Variants in IFI16 observed in about 807,000 individuals in gnomAD.
The protein encoded by IFI16 is interferon gamma inducible protein 16.
IFI16 carries 49 observed loss-of-function variants against 68.4 expected under a neutral mutation model. The observed-to-expected ratio is 0.72, with a 90% CI of 0.57 to 0.91. The LOEUF (loss-of-function observed/expected upper bound fraction) is 0.91, where lower values mean the gene tolerates loss of function less well. Among genes scored for constraint, IFI16 ranks in the 40% least tolerant of loss-of-function variants. The pLI, the probability that IFI16 is intolerant of heterozygous loss-of-function variation, is 0.00. For missense variants in IFI16, 878 were observed against 942.9 expected, an observed-to-expected ratio of 0.93 and a Z score of 0.90; for synonymous variants, 307 against 315.0, an observed-to-expected ratio of 0.97 and a Z score of 0.27.
chr1:159,024,942 A>G (rs1330259652), intron 6 of IFI16, among the ~76,000 whole-genome samples: 1 of 151,898 alleles, frequency 6.6e-6, no homozygotes, highest in Non-Finnish European at 1.5e-5. Context: ...AGCTGTGCGG[A>G]CGGCGGTCTC....
chr1:159,019,820 G>C (rs1312225862), intron 5 of IFI16, among the ~76,000 whole-genome samples: 1 of 152,160 alleles, frequency 6.6e-6, no homozygotes, highest in Admixed American at 6.5e-5. Context: ...TGAGTAATGA[G>C]CAAAAAGCTG....
chr1:159,018,501 T>C lies in IFI16; in HGVS notation c.822T>C (p.Asn274=). ...AATATGATAGTCTCCTAGAGGTCAA[T>C]GAAGAATCTACTGTATCTGAAGCTG... ...YLEYDSLLEV[N]EESTVSEAGP... Residue 274 remains asparagine (N), a synonymous_variant, in exon 5 of 12, where the codon AAT becomes AAC. Coordinates refer to ENST00000295809, the MANE Select transcript of IFI16 (RefSeq NM_001376587.1). 6.2e-7 allele frequency: 1 copy of C among 1,614,112 alleles called. No homozygotes were observed. The highest frequency in any genetic ancestry group is 8.5e-7 in the Non-Finnish European group (1 of 1,179,940).
chr1:159,040,841 A>G (rs1224688124), intron 7 of IFI16, among the ~76,000 whole-genome samples: 3 of 152,246 alleles, frequency 2.0e-5, no homozygotes, highest in Non-Finnish European at 4.4e-5. Context: ...GTCAGTCTCA[A>G]TTCACATATG....
At chr1:159,040,419 G>A (rs1439336344) in intron 7 of IFI16, among the ~76,000 whole-genome samples, 2 of 152,202 alleles carry the variant, frequency 1.3e-5, no homozygotes, top group Non-Finnish European at 2.9e-5. Context: ...AGTTCAGAGA[G>A]AAGCATGTTG....
At chr1:159,048,552 C>G (rs1422695836) in intron 8 of IFI16, among the ~76,000 whole-genome samples, 6 of 151,364 alleles carry the variant, frequency 4.0e-5, no homozygotes, top group East Asian at 3.9e-4. Context: ...TTTCCATAGT[C>G]CAGGTGCTCA....
chr1:159,015,891 A>G lies in IFI16; in HGVS notation c.285A>G (p.Ser95=), dbSNP rs998837305. The G allele has an allele frequency of 2.5e-6, 4 of 1,613,412 alleles. No individual in the cohort carries two copies. The African/African-American group carries it at 5.3e-5, about 22-fold the overall frequency. ...TTCCAGTAAAAGGACCAGCCCTATC[A>G]AGAAAGAGGAAGAAGGAAGTGGATG... ...EKLKVKGPAL[S]RKRKKEVDAT... The change falls in exon 3 of 12, where the codon TCA becomes TCG. Residue 95 remains serine (S), a synonymous_variant. Coordinates refer to ENST00000295809, the MANE Select transcript of IFI16 (RefSeq NM_001376587.1).
upstream of IFI16, among the ~76,000 whole-genome samples, chr1:159,008,460 G>A (rs539694970): frequency 6.6e-6 from 1 of 152,292 alleles, no homozygotes; most frequent in African/African-American, 2.4e-5. Context: ...ATTGTCCTGA[G>A]TTGCCCTTAT....
chr1:159,014,877 T>C lies in IFI16; in HGVS notation c.197T>C (p.Ile66Thr). ...GGTGATGCTGGTTTGGGCAAACTAA[T>C]AAAAATTTTCGAAGATATACCAACG... ...FRGDAGLGKL[I>T]KIFEDIPTLE... The change falls in exon 2 of 12, where the codon ATA becomes ACA. Residue 66 changes from isoleucine to threonine, a missense_variant. Physicochemically the swap from Ile to Thr is moderately conservative, Grantham distance 89. Around this residue, in one of 4 missense-constraint regions of IFI16, gnomAD observed 65 missense variants for 96.9 expected, o/e 0.67. Coordinates refer to ENST00000295809, the MANE Select transcript of IFI16 (RefSeq NM_001376587.1). 3 of 1,613,878 alleles carry C rather than the reference T, an allele frequency of 1.9e-6. No homozygotes were observed. Among genetic ancestry groups the C allele is most frequent in the Non-Finnish European group, 2.5e-6 (3 of 1,179,946 alleles).
chr1:159,053,668 G>C lies in IFI16; in HGVS notation c.2221G>C (p.Ala741Pro). 6.2e-7 allele frequency: 1 copy of C among 1,613,972 alleles called. No individual in the cohort carries two copies. Among genetic ancestry groups the C allele is most frequent in the Non-Finnish European group, 8.5e-7 (1 of 1,179,896 alleles). ...ACTGAAACTCACCTGCTTTGAATTG[G>C]CACCGAAAAGTGGGAATACCGGGGA... Reference protein sequence around the residue: ...DKLKLTCFELAPKSGNTGELR... With the variant: ...DKLKLTCFELPPKSGNTGELR... Residue 741 changes from alanine to proline, a missense_variant, in exon 11 of 12, where the codon GCA (alanine) becomes CCA (proline). Transcript: ENST00000295809.
intron 7 of IFI16, among the ~76,000 whole-genome samples, chr1:159,033,675 C>T (rs558753862): frequency 3.3e-5 from 5 of 152,102 alleles, no homozygotes; most frequent in African/African-American, 4.8e-5. Context: ...AAACCTAAAA[C>T]GTGAAAAATT....
chr1:159,044,319 T>C (rs2814769), intron 7 of IFI16, among the ~76,000 whole-genome samples: 150,057 of 152,256 alleles, frequency 0.99, 73,994 homozygotes, highest in East Asian at 1. Context: ...TGAGCATAGA[T>C]TGAATCCACA....
chr1:159,030,431 A>C, intron 6 of IFI16, among the ~76,000 whole-genome samples: 1 of 152,140 alleles, frequency 6.6e-6, no homozygotes, highest in East Asian at 1.9e-4. Flanking sequence ...ACACTATATC[A>C]GAGGAAACAT....
chr1:159,046,042 T>C (rs1370538359), intron 8 of IFI16, among the ~76,000 whole-genome samples: 1 of 151,362 alleles, frequency 6.6e-6, no homozygotes, highest in African/African-American at 2.4e-5. Context: ...TTTTTATTAA[T>C]ATATCTTGAA....
rs766402368 is a variant in IFI16 at position 159,049,609 on chromosome 1, C to A, written c.1665+10C>A. 6.2e-7 allele frequency: 1 copy of A among 1,610,776 alleles called. No individual in the cohort carries two copies. On this transcript the variant is annotated intron_variant, in intron 9 of 11. Transcript: ENST00000295809. ...CAGTTTCTTAACCACGGTACAAGTT[C>A]CCTCTTCCCAATACATTCCCCTCGC...
intron 7 of IFI16, among the ~76,000 whole-genome samples, chr1:159,043,043 T>TTG (rs1654762979): frequency 6.6e-6 from 1 of 152,238 alleles, no homozygotes; most frequent in Non-Finnish European, 1.5e-5. Context: ...GTTGCAGACC[T>TTG]GAGCACCATC....
At chr1:159,036,444 G>A (rs1230932630) in intron 7 of IFI16, among the ~76,000 whole-genome samples, 3 of 152,174 alleles carry the variant, frequency 2.0e-5, no homozygotes, top group Non-Finnish European at 4.4e-5. Flanking sequence ...AAGGATCTTA[G>A]AGGTTAAAAC....
intron 6 of IFI16, among the ~76,000 whole-genome samples, chr1:159,027,971 T>C (rs1285899952): frequency 2.0e-5 from 3 of 152,320 alleles, no homozygotes; most frequent in Non-Finnish European, 4.4e-5. Context: ...GCTTTATGTT[T>C]CATTTATCTT....
intron 1 of IFI16, 91 bp from the exon 2 acceptor site, chr1:159,014,570 C>G: frequency 1.3e-6 from 1 of 789,856 alleles, no homozygotes; most frequent in South Asian, 2.2e-5. Context: ...ATGAACAACT[C>G]TTTCATATGG....
chr1:159,049,063 A>G lies in IFI16; in HGVS notation c.1498-369A>G, dbSNP rs559941879. Among the ~76,000 whole-genome samples, 560 of 150,298 alleles carry G rather than the reference A, an allele frequency of 3.7e-3. 8 individuals carry two copies. The highest frequency in any genetic ancestry group is 0.013 in the African/African-American group (535 of 40,884). On this transcript the variant is annotated intron_variant, in intron 8 of 11. Coordinates refer to ENST00000295809, the MANE Select transcript of IFI16 (RefSeq NM_001376587.1). ...GGTTTGTGTATCTAATTGATGAGAA[A>G]GGCCTAGTTAATAAATGTCCATAAA... is the stretch of plus-strand genomic sequence containing the variant.
Sources: gnomAD v4.1 joint callset for allele counts (sites outside exome capture counted in the v4.1 genomes callset) on GRCh38, gnomAD v4.1.1 for gene constraint, gnomAD v4.1.1 regional missense constraint, MANE v1.5 for transcripts, NCBI Gene and HGNC (gene_info 2026-07-23, HGNC 2026-07-21) for gene names.